KHSRP: variants seen among roughly 807,000 people sequenced by gnomAD.
KHSRP encodes the protein far upstream element-binding protein 2.
In KHSRP, 13 loss-of-function variants were observed where a neutral mutation model predicts 94.9. The ratio of observed to expected loss-of-function variants is 0.14; its 90% CI spans 0.09 to 0.22. The LOEUF is 0.22. Among genes scored for constraint, KHSRP ranks in the 10% least tolerant of loss-of-function variants. KHSRP has a pLI of 1.00. For synonymous variants in KHSRP, 495 were observed against 401.4 expected, an observed-to-expected ratio of 1.23 and a Z score of -2.79; for missense variants, 710 against 1,010.0, an observed-to-expected ratio of 0.70 and a Z score of 4.03.
In KHSRP at chr19:6,418,000, C is replaced by T. The variant is rs1187101563; in HGVS notation, c.959G>A (p.Arg320Gln). 5.6e-6 allele frequency: 9 copies of T among 1,613,972 alleles called. No homozygotes were observed. The highest frequency in any genetic ancestry group is 3.3e-5 in the South Asian group (3 of 91,080). ...GFGDRNEYGS[R>Q]IGGGIDVPVP... Reference sequence around the variant, plus strand: ...ACTCACATCGATGCCTCCGCCAATCCGAGATCCGTACTCATTCCGGTCCCC... The same window carrying T: ...ACTCACATCGATGCCTCCGCCAATCTGAGATCCGTACTCATTCCGGTCCCC... The change falls in exon 10 of 19, where the codon CGG becomes CAG. Residue 320 changes from arginine to glutamine, a missense_variant. Physicochemically the swap from Arg to Gln is conservative, Grantham distance 43. Coordinates refer to ENST00000600480, the MANE Select transcript of KHSRP (RefSeq NM_001366299.1).
chr19:6,414,009 G>A lies in KHSRP; in HGVS notation c.*1015C>T, dbSNP rs573855333. On this transcript the variant is annotated 3_prime_UTR_variant, in exon 19 of 19. Coordinates refer to ENST00000600480, the MANE Select transcript of KHSRP (RefSeq NM_001366299.1). ...GCGAGGGCTCCCCAGTACTCCCCAC[G>A]GCAGCCATCGCTCTCTCGCCAAACA... 4.0e-5 allele frequency: 50 copies of A among 1,244,230 alleles called. No homozygotes were observed. The East Asian group carries it at 4.9e-4, about 12-fold the overall frequency. The allele number at this position is 1,244,230 out of a possible 1,614,324, so 77.1% of individuals were successfully genotyped here. A position where few individuals can be genotyped will look rare whatever the true frequency, so the allele number is the denominator to read the frequency against.
At chr19:6,417,149 T>G in intron 11 of KHSRP, 62 bp from the exon 12 acceptor site, 2 of 1,338,278 alleles carry the variant, frequency 1.5e-6, no homozygotes, top group Non-Finnish European at 2.0e-6. Context: ...CCCAGAGCCC[T>G]GCAACGCCGC....
rs750620888 is a variant in KHSRP, at chr19:6,418,035, T to C, written c.924A>G (p.Gln308=). The C allele has an allele frequency of 1.1e-5, 18 of 1,613,810 alleles. No homozygotes were observed. In the South Asian group the frequency reaches 1.2e-4, roughly 11 times the overall value. Residue 308 remains glutamine (Q), a synonymous_variant, in exon 10 of 19, where the codon CAA becomes CAG. Transcript: ENST00000600480. The surrounding 1 kb of genome is among the most constrained non-coding windows in gnomAD (Gnocchi z 4.3). ...MVMDILRERD[Q]GGFGDRNEYG... ...ACTCATTCCGGTCCCCAAAGCCGCC[T>C]TGGTCACGTTCCCGGAGGATGTCCA...
rs371759180 is a variant in KHSRP at position 6,415,370 on chromosome 19, G to A, written c.1966+10C>T. On this transcript the variant is annotated intron_variant, in intron 18 of 18. Coordinates refer to ENST00000600480, the MANE Select transcript of KHSRP (RefSeq NM_001366299.1). ...GCCCCTGCCCCTGTCCCCGCATGGT[G>A]GCCACTCACCTTGCTTCTTGTAGTA... 18 of 1,607,874 alleles carry A rather than the reference G, an allele frequency of 1.1e-5. No homozygotes were observed. Among genetic ancestry groups the A allele is most frequent in the African/African-American group, 9.4e-5 (7 of 74,852 alleles).
intron 6 of KHSRP, 79 bp downstream of exon 6, chr19:6,419,994 T>G (rs1404647347): frequency 5.4e-6 from 6 of 1,115,606 alleles, no homozygotes; most frequent in South Asian, 1.3e-5. Context: ...ACAGTCCCCG[T>G]GGAAATTAAG....
In KHSRP at chr19:6,418,392, C is replaced by G. The variant is rs534643940; in HGVS notation, c.879+91G>C. 9.9e-6 allele frequency: 9 copies of G among 910,104 alleles called. No individual in the cohort carries two copies. In the East Asian group the frequency reaches 2.3e-4, roughly 24 times the overall value. 56.4% of individuals were successfully genotyped at this position (910,104 alleles called of 1,614,324 possible). Reference sequence around the variant, plus strand: ...GTTATGACCGACTGTTCACATATCTCTCTGGCGGAATGCAGACCCCGAGAC... The same window carrying G: ...GTTATGACCGACTGTTCACATATCTGTCTGGCGGAATGCAGACCCCGAGAC... On this transcript the variant is annotated intron_variant, in intron 9 of 18. Transcript: ENST00000600480. This position sits in a 1 kb window ranked among gnomAD's most constrained non-coding sequence, Gnocchi z 4.3.
At chr19:6,423,366 C>T (rs543986230) in intron 1 of KHSRP, among the ~76,000 whole-genome samples, 3 of 152,342 alleles carry the variant, frequency 2.0e-5, no homozygotes, top group African/African-American at 7.2e-5. Context: ...GAAACCTCAA[C>T]CCAGCAAACT....
chr19:6,423,036 T>C (rs932348671), intron 1 of KHSRP, among the ~76,000 whole-genome samples: 4 of 152,200 alleles, frequency 2.6e-5, no homozygotes, highest in Non-Finnish European at 5.9e-5. Flanking sequence ...TCCCAGCATT[T>C]TGGGAGGCCG....
At chr19:6,424,338 G>A (rs947032003) in intron 1 of KHSRP, 115 bp downstream of exon 1, 7 of 336,394 alleles carry the variant, frequency 2.1e-5, no homozygotes, top group Non-Finnish European at 2.9e-5. Flanking sequence ...ACGTGACCCC[G>A]CGACGGCCCC....
At chr19:6,420,026 G>A (rs1464310033) in intron 6 of KHSRP, 47 bp downstream of exon 6, 3 of 1,428,296 alleles carry the variant, frequency 2.1e-6, no homozygotes. Context: ...AAGTGCAAAG[G>A]GCCCAACCCT....
Position 6,414,584 on chromosome 19 carries a change from G to T in KHSRP, c.*440C>A. 1 of 1,016,508 alleles carries T rather than the reference G, an allele frequency of 9.8e-7. No homozygotes were observed. The highest frequency in any genetic ancestry group is 4.3e-5 in the South Asian group (1 of 23,122). 63.0% of individuals were successfully genotyped at this position (1,016,508 alleles called of 1,614,324 possible). On this transcript the variant is annotated 3_prime_UTR_variant, in exon 19 of 19. Transcript: ENST00000600480. ...AGCGCATGGGAGGCTGAGCCCGGCG[G>T]GGCAGGGGCCTGGGCCGCTCCCCGC...
Position 6,418,607 on chromosome 19 carries a change from T to G in KHSRP, c.781-26A>C. ...CTTTACAAGCAAGGTTAACCGTTAG[T>G]GCTGGGCTCTCCCAGGACTTCCTGG... On this transcript the variant is annotated intron_variant, in intron 8 of 18. Coordinates refer to ENST00000600480, the MANE Select transcript of KHSRP (RefSeq NM_001366299.1). This position sits in a 1 kb window ranked among gnomAD's most constrained non-coding sequence, Gnocchi z 4.3. 1 of 1,613,264 alleles carries G rather than the reference T, an allele frequency of 6.2e-7. No individual in the cohort carries two copies. Among genetic ancestry groups the G allele is most frequent in the Non-Finnish European group, 8.5e-7 (1 of 1,179,190 alleles).
intron 15 of KHSRP, 114 bp downstream of exon 15, chr19:6,416,184 G>T: frequency 1.2e-6 from 1 of 817,958 alleles, no homozygotes; most frequent in Non-Finnish European, 1.9e-6. Context: ...ACAAAAATGG[G>T]CTGGATGAGG....
In KHSRP at chr19:6,420,151, G is replaced by A. The variant is rs2092186383; in HGVS notation, c.476-7C>T. ...TCACCTCCTCTGCCAATGACTGGAT[G>A]GAGAAAGAAGGAGAAAAGCAAAGCG... On this transcript the variant is annotated splice_polypyrimidine_tract_variant and splice_region_variant and intron_variant, in intron 5 of 18. Transcript: ENST00000600480. 1.2e-6 allele frequency: 2 copies of A among 1,607,770 alleles called. No homozygotes were observed. The highest frequency in any genetic ancestry group is 1.7e-6 in the Non-Finnish European group (2 of 1,175,140).
chr19:6,420,989 T>G, intron 4 of KHSRP: 1 of 461,088 alleles, frequency 2.2e-6, no homozygotes, highest in Non-Finnish European at 3.9e-6. Context: ...GAAGACGACA[T>G]TTGTGCTGCT....
In KHSRP at chr19:6,413,307, G is replaced by T; in HGVS notation, c.*1717C>A. On this transcript the variant is annotated 3_prime_UTR_variant, in exon 19 of 19. Transcript: ENST00000600480. ...AACATCCGCTTCAAAACTACAGGGA[G>T]GGAAGGAAAGGGGGGGAGACAGACA... The T allele has an allele frequency of 3.9e-6, 1 of 258,468 alleles. No individual in the cohort carries two copies. The highest frequency in any genetic ancestry group is 8.0e-6 in the Non-Finnish European group (1 of 125,690). The allele number at this position is 258,468 out of a possible 1,614,324, so 16.0% of individuals were successfully genotyped here. A position where few individuals can be genotyped will look rare whatever the true frequency, so the allele number is the denominator to read the frequency against.
Position 6,424,719 on chromosome 19 carries a change from C to T in KHSRP, c.-18G>A, listed in dbSNP as rs1193519658. On this transcript the variant is annotated 5_prime_UTR_variant, in exon 1 of 19. Transcript: ENST00000600480. Reference sequence around the variant, plus strand: ...TCCGACATGGCGCGGCGGGGCCGGGCCTGGCGCGGAGGCTGAAGCTGAGGA... The same window carrying T: ...TCCGACATGGCGCGGCGGGGCCGGGTCTGGCGCGGAGGCTGAAGCTGAGGA... The T allele has an allele frequency of 8.7e-6, 9 of 1,036,276 alleles. No homozygotes were observed. The highest frequency in any genetic ancestry group is 1.1e-4 in the Admixed American group (2 of 17,618). 64.2% of individuals were successfully genotyped at this position (1,036,276 alleles called of 1,614,324 possible).
chr19:6,422,596 G>C (rs2092201789), intron 1 of KHSRP, among the ~76,000 whole-genome samples, 160 bp from the exon 2 acceptor site: 1 of 152,148 alleles, frequency 6.6e-6, no homozygotes, highest in Admixed American at 6.6e-5. Context: ...GACATCCTAG[G>C]AGTTTTGAAC....
rs535451888 is a variant in KHSRP at position 6,419,103 on chromosome 19, G to A, written c.605+100C>T. On this transcript the variant is annotated intron_variant, in intron 7 of 18. Transcript: ENST00000600480. ...GTCTGGAGATGGGGGCAAGAATGGA[G>A]GACATGGCGTGCAAGTTGCTCCCAA... 764 of 1,240,824 alleles carry A rather than the reference G, an allele frequency of 6.2e-4. 13 individuals carry two copies. The South Asian group carries it at 9.5e-3, about 15-fold the overall frequency. 76.9% of individuals were successfully genotyped at this position (1,240,824 alleles called of 1,614,324 possible).
Sources: allele counts gnomAD v4.1 joint callset (sites outside exome capture counted in the v4.1 genomes callset), GRCh38; gene constraint gnomAD v4.1.1; non-coding constraint Gnocchi (gnomAD v3.1); transcripts MANE v1.5; gene names NCBI Gene and HGNC (gene_info 2026-07-23, HGNC 2026-07-21).